Variants in TM2D1 observed in about 807,000 individuals in gnomAD.
TM2D1 encodes TM2 domain-containing protein 1.
TM2D1 carries 15 observed loss-of-function variants against 28.4 expected under a neutral mutation model. That is an observed-to-expected ratio of 0.53 (90% CI 0.35 to 0.81). The LOEUF (loss-of-function observed/expected upper bound fraction) is 0.81. Ranked by LOEUF, TM2D1 falls within the 40% of genes least tolerant of loss-of-function variation. The probability of loss-of-function intolerance (pLI) is 0.01; values close to 1 mark genes in which losing one functional copy is unlikely to be tolerated. For missense variants in TM2D1, 236 were observed against 254.9 expected (o/e 0.93, Z 0.50); for synonymous variants, 93 against 96.2 (o/e 0.97, Z 0.20).
intron 5 of TM2D1, among the ~76,000 whole-genome samples, chr1:61,692,488 G>GAA (rs1379425165): frequency 7.1e-6 from 1 of 139,894 alleles, no homozygotes. Context: ...GAGAAAGAAA[G>GAA]AAAGAAAAAG....
chr1:61,686,783 A>G, intron 5 of TM2D1: 1 of 968,754 alleles, frequency 1.0e-6, no homozygotes, highest in Non-Finnish European at 1.2e-6. Context: ...TAATTATAAA[A>G]TTACAAACCT....
In TM2D1 at chr1:61,715,337, G is replaced by A. The variant is rs188314818; in HGVS notation, c.239-5900C>T. Among the ~76,000 whole-genome samples the A allele has an allele frequency of 2.6e-5, 4 of 152,058 alleles. No individual in the cohort carries two copies. In the East Asian group the frequency reaches 7.7e-4, roughly 29 times the overall value. ...AATCGTGTTTCCAATCTGTGACATG[G>A]GACATATCTTTTATACTCCTGTTAT... On this transcript the variant is annotated intron_variant, in intron 2 of 6. Transcript: ENST00000606498.
chr1:61,691,932 A>AAAAAAAAAAAAATATATATATATATAT, intron 5 of TM2D1, among the ~76,000 whole-genome samples: 2 of 76,400 alleles, frequency 2.6e-5, no homozygotes, highest in Non-Finnish European at 2.6e-5. Context: ...AAAAAAAAAA[A>AAAAAAAAAAAAATATATATATATATAT]ATATATATAT....
chr1:61,695,977 C>G (rs1644360216), intron 4 of TM2D1: 1 of 152,172 alleles, frequency 6.6e-6, no homozygotes, highest in African/African-American at 2.4e-5. Context: ...TTGCCTGGCA[C>G]ATAGTAAATG....
chr1:61,714,108 G>A (rs1470613220), intron 2 of TM2D1, among the ~76,000 whole-genome samples: 2 of 144,192 alleles, frequency 1.4e-5, no homozygotes, highest in South Asian at 4.3e-4. Flanking sequence ...TGTTAGCCAG[G>A]ATGGTCTCGA....
intron 5 of TM2D1, among the ~76,000 whole-genome samples, chr1:61,692,777 T>C (rs767378999): frequency 6.6e-6 from 1 of 152,214 alleles, no homozygotes; most frequent in African/African-American, 2.4e-5. Context: ...TATTTGGCTA[T>C]GCTTGAAATG....
chr1:61,714,108 G>C (rs1470613220), intron 2 of TM2D1, among the ~76,000 whole-genome samples: 1 of 144,104 alleles, frequency 6.9e-6, no homozygotes, highest in African/African-American at 2.5e-5. Context: ...TGTTAGCCAG[G>C]ATGGTCTCGA....
chr1:61,719,963 A>T (rs1402872268), intron 2 of TM2D1, among the ~76,000 whole-genome samples: 1 of 152,258 alleles, frequency 6.6e-6, no homozygotes, highest in African/African-American at 2.4e-5. Flanking sequence ...ACTATAAAAG[A>T]CTATGAAGAG....
chr1:61,709,872 T>C (rs1644464870), intron 2 of TM2D1, among the ~76,000 whole-genome samples: 2 of 152,232 alleles, frequency 1.3e-5, no homozygotes, highest in South Asian at 2.1e-4. Context: ...CCAACGCTTA[T>C]AGATAATTGT....
chr1:61,713,488 C>CAAAA (rs369601221), intron 2 of TM2D1, among the ~76,000 whole-genome samples: 11 of 91,392 alleles, frequency 1.2e-4, no homozygotes, highest in East Asian at 3.4e-4. Flanking sequence ...AACTCAAAAA[C>CAAAA]AAAAAAAAAA....
intron 4 of TM2D1, among the ~76,000 whole-genome samples, chr1:61,696,642 A>G (rs532355517): frequency 1.1e-4 from 16 of 152,202 alleles, no homozygotes; most frequent in Non-Finnish European, 1.5e-5. Context: ...AGAATAGGTA[A>G]TCACATCAGG....
chr1:61,692,118 T>C (rs1450006779), intron 5 of TM2D1, among the ~76,000 whole-genome samples: 2 of 151,268 alleles, frequency 1.3e-5, no homozygotes, highest in Non-Finnish European at 2.9e-5. Context: ...TTTTCTGGAC[T>C]GTATTCTATG....
chr1:61,691,569 A>T (rs1020753572), intron 5 of TM2D1, among the ~76,000 whole-genome samples: 1 of 150,380 alleles, frequency 6.6e-6, no homozygotes, highest in African/African-American at 2.4e-5. Context: ...AAACAATCTC[A>T]TTTTTCTGAT....
intron 5 of TM2D1, among the ~76,000 whole-genome samples, chr1:61,687,439 C>T (rs1472645478): frequency 6.6e-6 from 1 of 152,098 alleles, no homozygotes; most frequent in Non-Finnish European, 1.5e-5. Flanking sequence ...AAGCTAGTAT[C>T]TTATTTGCAC....
chr1:61,700,414 A>G (rs1027265271), intron 4 of TM2D1: 18 of 1,131,082 alleles, frequency 1.6e-5, no homozygotes, highest in Non-Finnish European at 2.1e-5. Flanking sequence ...ACTATAGTAA[A>G]TGTGATTACA....
At chr1:61,722,538 T>C (rs144255799) in intron 2 of TM2D1, among the ~76,000 whole-genome samples, 88 of 152,136 alleles carry the variant, frequency 5.8e-4, no homozygotes, top group African/African-American at 2.0e-3. Context: ...CTGGCTAATT[T>C]TTCTACTTTT....
chr1:61,686,977 T>C (rs578042198), intron 5 of TM2D1: 2 of 984,818 alleles, frequency 2.0e-6, no homozygotes, highest in South Asian at 9.4e-5. Flanking sequence ...TCAGTAAATA[T>C]GACCATGTCC....
intron 4 of TM2D1, chr1:61,699,858 T>C: frequency 4.6e-6 from 1 of 217,510 alleles, no homozygotes; most frequent in Middle Eastern, 1.6e-3. Flanking sequence ...GTATATATAG[T>C]ACTTCATGAC....
intron 2 of TM2D1, among the ~76,000 whole-genome samples, chr1:61,720,826 G>C (rs1345068015): frequency 6.6e-6 from 1 of 152,026 alleles, no homozygotes; most frequent in Non-Finnish European, 1.5e-5. Context: ...TATTGTCATA[G>C]ATGAATTTCC....
Sources: gnomAD v4.1 joint callset for allele counts (sites outside exome capture counted in the v4.1 genomes callset) on GRCh38, gnomAD v4.1.1 for gene constraint, MANE v1.5 for transcripts, NCBI Gene and HGNC (gene_info 2026-07-23, HGNC 2026-07-21) for gene names.